Variants in C2CD5 observed in about 807,000 individuals in gnomAD.
The protein encoded by C2CD5 is C2 calcium dependent domain containing 5, also known as C2 domain-containing protein 5.
Under a neutral mutation model 130.3 loss-of-function variants are expected in C2CD5, and 109 were observed. The ratio of observed to expected loss-of-function variants is 0.84; its 90% CI spans 0.72 to 0.98. The LOEUF is 0.98. Among genes scored for constraint, C2CD5 ranks in the 50% least tolerant of loss-of-function variants. The probability of loss-of-function intolerance (pLI) is 0.00; values close to 1 mark genes in which losing one functional copy is unlikely to be tolerated. For synonymous variants in C2CD5, 454 were observed against 429.2 expected (o/e 1.06, Z -0.71); for missense variants, 996 against 1,261.8 (o/e 0.79, Z 3.19).
At chr12:22,508,537 T>C (rs1038337905) in intron 9 of C2CD5, among the ~76,000 whole-genome samples, 3 of 152,196 alleles carry the variant, frequency 2.0e-5, no homozygotes, top group Non-Finnish European at 4.4e-5. Flanking sequence ...TTAGGAAATT[T>C]GAATGTAAAT....
chr12:22,530,119 C>T (rs1482586796), intron 3 of C2CD5, among the ~76,000 whole-genome samples: 751 of 127,776 alleles, frequency 5.9e-3, no homozygotes, highest in Non-Finnish European at 0.01. Flanking sequence ...TATACACACA[C>T]ACACACACAC....
chr12:22,523,691 G>T, intron 6 of C2CD5, 67 bp from the exon 7 acceptor site: 1 of 1,127,850 alleles, frequency 8.9e-7, no homozygotes, highest in Non-Finnish European at 1.3e-6. Context: ...GACTGGACAT[G>T]GTAGTGGTAA....
chr12:22,541,417 T>G (rs548482307), intron 2 of C2CD5, among the ~76,000 whole-genome samples: 1 of 152,226 alleles, frequency 6.6e-6, no homozygotes, highest in African/African-American at 2.4e-5. Flanking sequence ...CAAGGGCTTC[T>G]CAATGAATTT....
At chr12:22,512,327 T>C (rs1949277553) in intron 9 of C2CD5, among the ~76,000 whole-genome samples, 1 of 152,218 alleles carries the variant, frequency 6.6e-6, no homozygotes, top group African/African-American at 2.4e-5. Context: ...TTCACCTTTT[T>C]TCCCCCAAAT....
chr12:22,524,761 TATA>T, intron 5 of C2CD5, 134 bp from the exon 6 acceptor site: 3 of 609,700 alleles, frequency 4.9e-6, no homozygotes, highest in Non-Finnish European at 5.6e-6. Context: ...TCAATGTAAT[TATA>T]ATAATACTTC....
intron 22 of C2CD5, chr12:22,463,476 G>A (rs540713977): frequency 6.6e-6 from 1 of 152,098 alleles, no homozygotes; most frequent in East Asian, 1.9e-4. Flanking sequence ...TTATAAAAAG[G>A]GAGATTTGAT....
chr12:22,473,415 T>C (rs916639613), intron 16 of C2CD5, among the ~76,000 whole-genome samples: 1 of 152,072 alleles, frequency 6.6e-6, no homozygotes, highest in Non-Finnish European at 1.5e-5. Flanking sequence ...CACTTTCACT[T>C]CCACTTCACG....
chr12:22,491,185 G>C lies in C2CD5; in HGVS notation c.1263-967C>G, dbSNP rs551992309. On this transcript the variant is annotated intron_variant, in intron 11 of 26. Transcript: ENST00000446597. ...CACAGATGTTTTTGAGGTCTAGAAA[G>C]GACCTCTGTCAGATGACATCTGTCA... is the stretch of plus-strand genomic sequence containing the variant. Among the ~76,000 whole-genome samples the C allele has an allele frequency of 2.6e-5, 4 of 152,252 alleles. No homozygotes were observed. The East Asian group carries it at 7.7e-4, about 29-fold the overall frequency.
chr12:22,475,668 T>C (rs1943736287), intron 15 of C2CD5, among the ~76,000 whole-genome samples: 1 of 152,200 alleles, frequency 6.6e-6, no homozygotes, highest in Non-Finnish European at 1.5e-5. Context: ...TTCAAAAATA[T>C]ATAGTTTTAA....
rs1945195432 is a variant in C2CD5, at chr12:22,484,515, T to A, written c.1550+182A>T. The A allele has an allele frequency of 1.7e-5, 7 of 411,544 alleles. No individual in the cohort carries two copies. In the East Asian group the frequency reaches 2.5e-4, roughly 15 times the overall value. 25.5% of individuals were successfully genotyped at this position (411,544 alleles called of 1,614,324 possible). A position where few individuals can be genotyped will look rare whatever the true frequency, so the allele number is the denominator to read the frequency against. On this transcript the variant is annotated intron_variant, in intron 13 of 26. Coordinates refer to ENST00000446597, the MANE Select transcript of C2CD5 (RefSeq NM_001286176.2). ...AAAACTGCTTTTGTACACAAACTTA[T>A]TTGAGTTTTACACAGAGGGTTTTTT...
rs757177267 is a variant in C2CD5 at position 22,544,089 on chromosome 12, G to A, written c.62C>T (p.Ala21Val). ...CACGAAGGCATCAGTCAGGTCACTA[G>A]CACGGTCCATCACTGGCAAATGGCG... ...AGRHLPVMDR[A>V]SDLTDAFVEV... Residue 21 changes from alanine (A) to valine (V), a missense_variant, in exon 2 of 27, where the codon GCT becomes GTT. Physicochemically the swap from Ala to Val is moderately conservative, Grantham distance 64 (BLOSUM62 0). Around this residue, in one of 9 missense-constraint regions of C2CD5, gnomAD observed 68 missense variants for 154.5 expected, o/e 0.44. Transcript: ENST00000446597. The A allele has an allele frequency of 2.5e-6, 4 of 1,613,644 alleles. No homozygotes were observed. Among genetic ancestry groups the A allele is most frequent in the Admixed American group, 1.7e-5 (1 of 59,980 alleles).
At chr12:22,543,193 C>T (rs1020028659) in intron 2 of C2CD5, among the ~76,000 whole-genome samples, 2 of 152,226 alleles carry the variant, frequency 1.3e-5, no homozygotes, top group African/African-American at 4.8e-5. Flanking sequence ...CAAATGATTG[C>T]TGCTCTAATG....
At chr12:22,458,769 A>G (rs978203789) in intron 23 of C2CD5, 184 bp from the exon 24 acceptor site, 5 of 348,628 alleles carry the variant, frequency 1.4e-5, no homozygotes, top group Admixed American at 1.4e-4. Flanking sequence ...TTTGTCCAAA[A>G]CCAAGTTCTC....
At chr12:22,512,968 T>C (rs1949352457) in intron 9 of C2CD5, among the ~76,000 whole-genome samples, 3 of 152,020 alleles carry the variant, frequency 2.0e-5, no homozygotes, top group East Asian at 3.9e-4. Flanking sequence ...CTACTGGAAT[T>C]TTTTTTCTGC....
intron 10 of C2CD5, among the ~76,000 whole-genome samples, chr12:22,494,874 T>A (rs1946813290): frequency 6.6e-6 from 1 of 152,004 alleles, no homozygotes; most frequent in African/African-American, 2.4e-5. Context: ...ACAGCAAAAA[T>A]ACACTTTCAA....
chr12:22,537,810 G>T (rs1951968243), intron 2 of C2CD5, among the ~76,000 whole-genome samples: 1 of 152,084 alleles, frequency 6.6e-6, no homozygotes, highest in African/African-American at 2.4e-5. Flanking sequence ...TTCCCTCAAA[G>T]GTTCCTAGAA....
At chr12:22,501,390 T>A (rs1484902649) in intron 10 of C2CD5, among the ~76,000 whole-genome samples, 1 of 152,148 alleles carries the variant, frequency 6.6e-6, no homozygotes, top group Admixed American at 6.5e-5. Flanking sequence ...GTTCTATCAT[T>A]TGACCAACAC....
rs1266738707 is a variant in C2CD5 at position 22,457,090 on chromosome 12, T to C, written c.2758A>G (p.Asn920Asp). The C allele has an allele frequency of 1.9e-6, 3 of 1,613,126 alleles. No homozygotes were observed. Among genetic ancestry groups the C allele is most frequent in the Admixed American group, 1.7e-5 (1 of 59,884 alleles). The change falls in exon 25 of 27, where the codon AAT becomes GAT. Residue 920 changes from asparagine to aspartate, a missense_variant. Coordinates refer to ENST00000446597, the MANE Select transcript of C2CD5 (RefSeq NM_001286176.2). ...ATCTTAACAACCCCAACTGTGGAAT[T>C]TGCACAAGGTGGAGCAGAACGATTC... is the stretch of plus-strand genomic sequence containing the variant. ...FRNRSAPPCA[N>D]STVGVVKMTP...
intron 2 of C2CD5, among the ~76,000 whole-genome samples, chr12:22,541,432 TA>T (rs2137351675): frequency 6.6e-6 from 1 of 152,328 alleles, no homozygotes; most frequent in Admixed American, 6.5e-5. Flanking sequence ...GAATTTAGGG[TA>T]AAATTCAAAC....
Sources: allele counts gnomAD v4.1 joint callset (sites outside exome capture counted in the v4.1 genomes callset), GRCh38; gene constraint gnomAD v4.1.1; regional missense constraint gnomAD v4.1.1; transcripts MANE v1.5; gene names NCBI Gene and HGNC (gene_info 2026-07-23, HGNC 2026-07-21).